Variants in PTPRD observed in about 807,000 individuals in gnomAD.
The protein encoded by PTPRD is protein tyrosine phosphatase receptor type D, also known as receptor-type tyrosine-protein phosphatase delta.
Under a neutral mutation model 214.5 loss-of-function variants are expected in PTPRD, and 34 were observed. That is an observed-to-expected ratio of 0.16 (90% CI 0.12 to 0.21). PTPRD has a LOEUF of 0.21. Ranked by LOEUF, PTPRD falls within the 10% of genes least tolerant of loss-of-function variation. The pLI is 1.00. For synonymous variants in PTPRD, 1,128 were observed against 845.7 expected, an observed-to-expected ratio of 1.33 and a Z score of -5.79; for missense variants, 2,545 against 2,398.7, an observed-to-expected ratio of 1.06 and a Z score of -1.27.
At chr9:9,019,281 GAAGAAAGAAAGAAAGA>G (rs1234982087) in intron 10 of PTPRD, among the ~76,000 whole-genome samples, 19 of 72,190 alleles carry the variant, frequency 2.6e-4, no homozygotes, top group East Asian at 8.6e-4. Flanking sequence ...GAAAAAGAAA[GAAGAAAGAAAGAAAGA>G]AAGAAAGAAA....
chr9:9,465,113 T>C (rs920881051), intron 8 of PTPRD, among the ~76,000 whole-genome samples: 1 of 152,216 alleles, frequency 6.6e-6, no homozygotes, highest in African/African-American at 2.4e-5. Flanking sequence ...GTATTCCCTT[T>C]TGTGGTTTTC....
intron 11 of PTPRD, among the ~76,000 whole-genome samples, chr9:8,899,493 G>A (rs2098648438): frequency 6.6e-6 from 1 of 152,104 alleles, no homozygotes; most frequent in Admixed American, 6.6e-5. Flanking sequence ...GGTAATACTT[G>A]GATGGTGTCA....
At chr9:9,605,308 T>C (rs531863836) in intron 7 of PTPRD, among the ~76,000 whole-genome samples, 2 of 152,164 alleles carry the variant, frequency 1.3e-5, no homozygotes, top group East Asian at 1.9e-4. Context: ...GTATATGTGG[T>C]CCACTTTTAA....
chr9:9,334,282 A>G (rs2043534206), intron 9 of PTPRD, among the ~76,000 whole-genome samples: 1 of 152,032 alleles, frequency 6.6e-6, no homozygotes, highest in Non-Finnish European at 1.5e-5. Context: ...AAATTAGCCA[A>G]AAAACAAAAA....
chr9:10,490,494 C>A (rs1589332231), intron 2 of PTPRD, among the ~76,000 whole-genome samples: 1 of 152,162 alleles, frequency 6.6e-6, no homozygotes, highest in South Asian at 2.1e-4. Context: ...AGATACCTCT[C>A]TTCTTTCCTT....
At chr9:8,628,525 T>C (rs1398117644) in intron 14 of PTPRD, among the ~76,000 whole-genome samples, 2 of 150,870 alleles carry the variant, frequency 1.3e-5, no homozygotes, top group African/African-American at 2.4e-5. Flanking sequence ...CTTGCTGAAA[T>C]AGGCATGTCA....
intron 9 of PTPRD, among the ~76,000 whole-genome samples, chr9:9,334,398 A>AC (rs2043592711): frequency 6.6e-6 from 1 of 152,028 alleles, no homozygotes; most frequent in Non-Finnish European, 1.5e-5. Flanking sequence ...TAAAAGTTCT[A>AC]GTTTAATGTG....
chr9:8,608,266 G>T (rs1304206596), intron 14 of PTPRD, among the ~76,000 whole-genome samples: 1 of 152,090 alleles, frequency 6.6e-6, no homozygotes, highest in African/African-American at 2.4e-5. Context: ...TGACTTGGAT[G>T]ATCCAGTTCA....
intron 4 of PTPRD, among the ~76,000 whole-genome samples, chr9:9,976,490 G>C (rs960174727): frequency 4.6e-5 from 7 of 151,406 alleles, no homozygotes; most frequent in Admixed American, 2.6e-4. Flanking sequence ...GAGTTCAAGA[G>C]ATTCTTACAC....
intron 7 of PTPRD, among the ~76,000 whole-genome samples, chr9:9,713,282 G>C (rs1671029081): frequency 6.6e-6 from 1 of 152,196 alleles, no homozygotes; most frequent in East Asian, 1.9e-4. Flanking sequence ...AAATAAAACA[G>C]AATCATAGAC....
intron 3 of PTPRD, among the ~76,000 whole-genome samples, chr9:10,272,059 A>C (rs1384689259): frequency 1.3e-5 from 2 of 152,178 alleles, no homozygotes; most frequent in Admixed American, 1.3e-4. Flanking sequence ...TCCCTTAGAA[A>C]GAAACCCCAT....
In PTPRD at chr9:8,524,909, G is replaced by C; in HGVS notation, c.679+16C>G. On this transcript the variant is annotated intron_variant, in intron 18 of 45. Coordinates refer to ENST00000381196, the MANE Select transcript of PTPRD (RefSeq NM_002839.4). ...GCCTGAATGAAGAAGCGATGCCAGG[G>C]TTATGTCATTCCTACCTCTGACATA... 1.2e-6 allele frequency: 2 copies of C among 1,603,756 alleles called. No individual in the cohort carries two copies. The highest frequency in any genetic ancestry group is 1.7e-6 in the Non-Finnish European group (2 of 1,170,760).
chr9:8,602,020 C>A (rs1033078544), intron 14 of PTPRD, among the ~76,000 whole-genome samples: 16 of 151,972 alleles, frequency 1.1e-4, no homozygotes, highest in Non-Finnish European at 2.2e-4. Flanking sequence ...TAGAAGATAT[C>A]AGATCTCCAT....
At chr9:10,514,020 GC>G (rs1359187680) in intron 2 of PTPRD, among the ~76,000 whole-genome samples, 1 of 152,152 alleles carries the variant, frequency 6.6e-6, no homozygotes, top group Non-Finnish European at 1.5e-5. Flanking sequence ...TTATGTGTAA[GC>G]TTTGTAGATC....
At chr9:10,605,847 T>A (rs926420263) in intron 2 of PTPRD, among the ~76,000 whole-genome samples, 1 of 151,766 alleles carries the variant, frequency 6.6e-6, no homozygotes, top group Non-Finnish European at 1.5e-5. Flanking sequence ...GGAGACTCAA[T>A]ACATATTTGG....
chr9:10,307,834 T>C lies in PTPRD; in HGVS notation c.-545+33129A>G, dbSNP rs536893300. On this transcript the variant is annotated intron_variant, in intron 3 of 45. Coordinates refer to ENST00000381196, the MANE Select transcript of PTPRD (RefSeq NM_002839.4). ...AATGTTTGGTGATGCTAAACGCTTT[T>C]TTCATTTAATTTTGTGCCATTTGTA... 6.2e-4 allele frequency among the ~76,000 whole-genome samples: 94 copies of C among 152,144 alleles called. 1 individual carries two copies. Among genetic ancestry groups the C allele is most frequent in the Non-Finnish European group, 1.1e-3 (76 of 67,938 alleles).
chr9:10,345,134 A>G (rs2154447399), intron 2 of PTPRD, among the ~76,000 whole-genome samples: 1 of 152,226 alleles, frequency 6.6e-6, no homozygotes, highest in Admixed American at 6.5e-5. Flanking sequence ...ATTCATTGCA[A>G]GTGGTCAATA....
At chr9:8,742,903 C>A (rs1485227046) in intron 11 of PTPRD, among the ~76,000 whole-genome samples, 5 of 152,084 alleles carry the variant, frequency 3.3e-5, no homozygotes, top group African/African-American at 1.2e-4. Flanking sequence ...TGCCTAGAGA[C>A]AATTTTTGTT....
intron 7 of PTPRD, among the ~76,000 whole-genome samples, chr9:9,645,576 C>T (rs115364446): frequency 0.026 from 3,953 of 151,438 alleles, 172 homozygotes; most frequent in African/African-American, 0.092. Context: ...TAATCTATCC[C>T]AGAATTTCTG....
Sources: allele counts gnomAD v4.1 joint callset (sites outside exome capture counted in the v4.1 genomes callset), GRCh38; gene constraint gnomAD v4.1.1; transcripts MANE v1.5; gene names NCBI Gene and HGNC (gene_info 2026-07-23, HGNC 2026-07-21).